FARP1: variants seen among roughly 807,000 people sequenced by gnomAD.
FARP1 encodes the protein FERM, ARHGEF and pleckstrin domain-containing protein 1.
FARP1 carries 52 observed loss-of-function variants against 128.8 expected under a neutral mutation model. The observed-to-expected ratio is 0.40, with a 90% CI of 0.32 to 0.51. FARP1 has a LOEUF of 0.51. FARP1 is among the 20% of genes least tolerant of loss of function. The pLI, the probability that FARP1 is intolerant of heterozygous loss-of-function variation, is 0.45. For missense variants in FARP1, 1,333 were observed against 1,367.9 expected (o/e 0.97, Z 0.40); for synonymous variants, 580 against 551.8 (o/e 1.05, Z -0.72).
At chr13:98,187,422 A>G (rs1426859132) in intron 1 of FARP1, among the ~76,000 whole-genome samples, 1 of 152,216 alleles carries the variant, frequency 6.6e-6, no homozygotes, top group African/African-American at 2.4e-5. Context: ...ATAGAGGGGA[A>G]TGGAAAAAGT....
At position 98,384,613 on chromosome 13, in the gene FARP1, C is replaced by T. The variant is rs141443648; in HGVS notation, c.497-117C>T. 2.0e-3 allele frequency: 1,287 copies of T among 651,406 alleles called. 15 individuals carry two copies. The African/African-American group carries it at 0.022, about 11-fold the overall frequency. 40.4% of individuals were successfully genotyped at this position (651,406 alleles called of 1,614,324 possible). A position where few individuals can be genotyped will look rare whatever the true frequency, so the allele number is the denominator to read the frequency against. ...GAGATCTGGCCCTTCTGATGTTCCC[C>T]ACCAACTGGGCTCACCTTATGTTGT... On this transcript the variant is annotated intron_variant, in intron 6 of 26. Transcript: ENST00000319562.
chr13:98,149,396 T>TGTTG (rs879637058), intron 1 of FARP1, among the ~76,000 whole-genome samples: 13,730 of 152,262 alleles, frequency 0.09, 784 homozygotes, highest in African/African-American at 0.15. Context: ...TTGGCTATCA[T>TGTTG]GAATACAGCT....
At chr13:98,284,944 G>A (rs775747553) in intron 2 of FARP1, among the ~76,000 whole-genome samples, 1 of 152,154 alleles carries the variant, frequency 6.6e-6, no homozygotes, top group Non-Finnish European at 1.5e-5. Context: ...TGTTAACAGA[G>A]GTGGGCCCCC....
chr13:98,210,246 C>T (rs1248744262), intron 1 of FARP1, among the ~76,000 whole-genome samples: 3 of 152,074 alleles, frequency 2.0e-5, no homozygotes, highest in South Asian at 2.1e-4. Context: ...CAGAAGTGCC[C>T]CCTGGGGGTC....
chr13:98,240,656 G>A (rs1449456022), intron 2 of FARP1, among the ~76,000 whole-genome samples: 4 of 152,242 alleles, frequency 2.6e-5, no homozygotes, highest in Admixed American at 2.6e-4. Flanking sequence ...AGTCTAGAGA[G>A]GTGGTCCGCC....
chr13:98,178,589 A>G (rs1878275948), intron 1 of FARP1, among the ~76,000 whole-genome samples: 1 of 152,170 alleles, frequency 6.6e-6, no homozygotes, highest in Admixed American at 6.5e-5. Flanking sequence ...GTTCTTATTT[A>G]GCCAGTGCAT....
At chr13:98,180,064 G>T (rs973562609) in intron 1 of FARP1, among the ~76,000 whole-genome samples, 1 of 152,208 alleles carries the variant, frequency 6.6e-6, no homozygotes, top group African/African-American at 2.4e-5. Flanking sequence ...GCTGCATGGG[G>T]TGGGAGATTG....
At chr13:98,280,051 C>T (rs1276454035) in intron 2 of FARP1, among the ~76,000 whole-genome samples, 1 of 152,148 alleles carries the variant, frequency 6.6e-6, no homozygotes, top group Admixed American at 6.5e-5. Flanking sequence ...CCCCTGCATG[C>T]CCTGCTCCCA....
intron 3 of FARP1, among the ~76,000 whole-genome samples, chr13:98,353,106 G>A (rs1204594786): frequency 6.6e-6 from 1 of 152,108 alleles, no homozygotes; most frequent in Admixed American, 6.5e-5. Flanking sequence ...ATTACCCAAG[G>A]GGATGGTGCG....
At chr13:98,384,612 C>T in intron 6 of FARP1, 118 bp from the exon 7 acceptor site, 2 of 649,096 alleles carry the variant, frequency 3.1e-6, no homozygotes, top group Non-Finnish European at 5.6e-6. Flanking sequence ...CTGATGTTCC[C>T]CACCAACTGG....
chr13:98,211,704 A>G (rs1880721085), intron 1 of FARP1, among the ~76,000 whole-genome samples: 1 of 152,064 alleles, frequency 6.6e-6, no homozygotes, highest in South Asian at 2.1e-4. Context: ...GACCAACTTG[A>G]GTTCAATTCT....
intron 1 of FARP1, among the ~76,000 whole-genome samples, chr13:98,198,969 C>T (rs1274624395): frequency 4.1e-5 from 2 of 49,200 alleles, no homozygotes; most frequent in African/African-American, 1.1e-4. Context: ...GTCCCAGCTA[C>T]TCGGGAGTCT....
intron 1 of FARP1, among the ~76,000 whole-genome samples, chr13:98,202,892 A>C (rs1880037993): frequency 6.6e-6 from 1 of 151,830 alleles, no homozygotes; most frequent in Non-Finnish European, 1.5e-5. Context: ...GGTAGTTTTT[A>C]AATTTTTTGT....
At position 98,451,341 on chromosome 13, in the gene FARP1, C is replaced by T. The variant is rs1893184281; in HGVS notation, c.*3024C>T. ...CCACACAGAATACTCCCTGGAAACA[C>T]AAAATGAAATCTTCTCCAATTTTAT... is the stretch of plus-strand genomic sequence containing the variant. On this transcript the variant is annotated 3_prime_UTR_variant, in exon 27 of 27. Coordinates refer to ENST00000319562, the MANE Select transcript of FARP1 (RefSeq NM_005766.4). 1 of 152,152 alleles carries T rather than the reference C, an allele frequency of 6.6e-6. No individual in the cohort carries two copies. Among genetic ancestry groups the T allele is most frequent in the Non-Finnish European group, 1.5e-5 (1 of 68,028 alleles). The allele number at this position is 152,152 out of a possible 1,614,324, so 9.4% of individuals were successfully genotyped here.
chr13:98,143,711 GGGGCTCC>G (rs548019648), intron 1 of FARP1, among the ~76,000 whole-genome samples: 14,625 of 151,400 alleles, frequency 0.097, 879 homozygotes, highest in African/African-American at 0.16. Flanking sequence ...CGGGGGCCTC[GGGGCTCC>G]GGGCTGCCCC....
chr13:98,299,319 C>G (rs1198921622), intron 2 of FARP1, among the ~76,000 whole-genome samples: 1 of 151,964 alleles, frequency 6.6e-6, no homozygotes, highest in Non-Finnish European at 1.5e-5. Flanking sequence ...ATCCTCACAC[C>G]CTCTCTCCCA....
intron 2 of FARP1, among the ~76,000 whole-genome samples, chr13:98,255,416 G>A (rs1222102203): frequency 6.6e-6 from 1 of 152,112 alleles, no homozygotes; most frequent in Non-Finnish European, 1.5e-5. Context: ...CAGGAGAATG[G>A]CGTGAACCCA....
intron 1 of FARP1, among the ~76,000 whole-genome samples, chr13:98,208,921 G>C (rs1362718758): frequency 6.6e-6 from 1 of 152,174 alleles, no homozygotes; most frequent in Non-Finnish European, 1.5e-5. Context: ...GGCTGAGAAT[G>C]AGTTAGGGAA....
At chr13:98,426,678 A>G (rs1332474364) in intron 17 of FARP1, among the ~76,000 whole-genome samples, 2 of 152,208 alleles carry the variant, frequency 1.3e-5, no homozygotes, top group Non-Finnish European at 2.9e-5. Flanking sequence ...ACTGTGTTCA[A>G]ACAGCAACCC....
Sources: gnomAD v4.1 joint callset for allele counts (sites outside exome capture counted in the v4.1 genomes callset) on GRCh38, gnomAD v4.1.1 for gene constraint, MANE v1.5 for transcripts, NCBI Gene and HGNC (gene_info 2026-07-23, HGNC 2026-07-21) for gene names.